Variants in DGKH observed in about 807,000 individuals in gnomAD.
The protein encoded by DGKH is diacylglycerol kinase eta.
A neutral mutation model predicts 159.3 loss-of-function variants in DGKH; 90 were observed. That is an observed-to-expected ratio of 0.57 (90% CI 0.48 to 0.67). The LOEUF (loss-of-function observed/expected upper bound fraction) is 0.67, where lower values mean the gene tolerates loss of function less well. Ranked by LOEUF, DGKH falls within the 30% of genes least tolerant of loss-of-function variation. The probability of loss-of-function intolerance (pLI) is 0.00; values close to 1 mark genes in which losing one functional copy is unlikely to be tolerated. For synonymous variants in DGKH, 536 were observed against 553.8 expected (o/e 0.97, Z 0.45); for missense variants, 1,181 against 1,506.1 (o/e 0.78, Z 3.57).
At chr13:42,157,119 G>A (rs1226886164) in intron 5 of DGKH, among the ~76,000 whole-genome samples, 1 of 152,158 alleles carries the variant, frequency 6.6e-6, no homozygotes, top group Non-Finnish European at 1.5e-5. Context: ...ATTCATGAAG[G>A]AGAAAATTTG....
intron 12 of DGKH, among the ~76,000 whole-genome samples, chr13:42,174,943 T>A (rs1860407352): frequency 1.3e-5 from 2 of 152,198 alleles, no homozygotes; most frequent in Non-Finnish European, 2.9e-5. Flanking sequence ...AAAGACCACT[T>A]AATTCCATCT....
intron 26 of DGKH, among the ~76,000 whole-genome samples, chr13:42,218,166 C>T (rs964802150): frequency 1.3e-5 from 2 of 152,184 alleles, no homozygotes; most frequent in Non-Finnish European, 2.9e-5. Context: ...CAATCGACTG[C>T]CTTCCAGTTC....
intron 28 of DGKH, among the ~76,000 whole-genome samples, chr13:42,220,308 A>T (rs1330446339): frequency 6.6e-6 from 1 of 152,134 alleles, no homozygotes; most frequent in Non-Finnish European, 1.5e-5. Flanking sequence ...CACTGTTTCA[A>T]CCCCTCGACA....
At chr13:42,122,873 G>A (rs761599516) in intron 1 of DGKH, among the ~76,000 whole-genome samples, 1 of 152,294 alleles carries the variant, frequency 6.6e-6, no homozygotes, top group South Asian at 2.1e-4. Flanking sequence ...ACAGCAAAGA[G>A]TGGTCATGTT....
upstream of DGKH, chr13:42,044,291 TTTTTC>T (rs1880682355): frequency 6.8e-6 from 1 of 147,186 alleles, no homozygotes; most frequent in Non-Finnish European, 1.5e-5. Context: ...TTCTTTCTTT[TTTTTC>T]TTTTTCTTCT....
intron 3 of DGKH, chr13:42,138,275 A>G (rs1017838259): frequency 2.0e-5 from 4 of 201,078 alleles, no homozygotes; most frequent in East Asian, 3.7e-4. Context: ...GACACTTTAC[A>G]TATGGAGGCC....
intron 1 of DGKH, among the ~76,000 whole-genome samples, chr13:42,051,782 C>T (rs571124581): frequency 4.6e-5 from 7 of 150,910 alleles, no homozygotes; most frequent in African/African-American, 1.7e-4. Flanking sequence ...GCCCCTGCCT[C>T]AGCCTCCCGA....
intron 1 of DGKH, among the ~76,000 whole-genome samples, chr13:42,062,701 C>T (rs984224850): frequency 6.6e-6 from 1 of 152,226 alleles, no homozygotes; most frequent in Non-Finnish European, 1.5e-5. Context: ...ATAATCCAGA[C>T]TTCAACTTTG....
intron 1 of DGKH, among the ~76,000 whole-genome samples, chr13:42,065,052 A>G (rs1036798361): frequency 4.6e-5 from 7 of 152,186 alleles, no homozygotes; most frequent in Admixed American, 2.6e-4. Context: ...AGCCTGGCAT[A>G]CAGTAAGTGC....
At chr13:42,184,904 A>G (rs1465564465) in intron 13 of DGKH, among the ~76,000 whole-genome samples, 2 of 151,746 alleles carry the variant, frequency 1.3e-5, no homozygotes, top group Non-Finnish European at 1.5e-5. Context: ...AAAAGTTCTA[A>G]CATTGATTAA....
rs142710485 is a variant in DGKH, at chr13:42,041,197, ACTC to A, written c.-13+1075_-13+1077del. On this transcript the variant is annotated intron_variant, in intron 1 of 29. Coordinates refer to the DGKH transcript ENST00000379274. ...CGAGGACCGTTTCCCGGCTTCACCG[ACTC>A]CTCAACTTTTCACTTGCTTTGAGAC... Among the ~76,000 whole-genome samples, 571 of 151,956 alleles carry A rather than the reference ACTC, an allele frequency of 3.8e-3. 3 individuals are homozygous for A. The highest frequency in any genetic ancestry group is 0.013 in the African/African-American group (549 of 41,424).
intron 1 of DGKH, among the ~76,000 whole-genome samples, chr13:42,077,004 G>T (rs1954112319): frequency 1.3e-5 from 2 of 152,188 alleles, no homozygotes; most frequent in South Asian, 4.1e-4. Flanking sequence ...AGCCCTCAAA[G>T]ATTTTCTTCA....
chr13:42,255,974 A>G (rs570399493), intron 30 of DGKH: 76 of 1,610,948 alleles, frequency 4.7e-5, no homozygotes, highest in Admixed American at 4.0e-4. Flanking sequence ...GGTTGAGCTC[A>G]GTGGAGCCAT....
chr13:42,252,708 T>C (rs1431905094), intron 30 of DGKH, among the ~76,000 whole-genome samples: 1 of 152,096 alleles, frequency 6.6e-6, no homozygotes, highest in Non-Finnish European at 1.5e-5. Flanking sequence ...CGCAGAGACC[T>C]ATGGCAACTG....
chr13:42,040,839 C>A (rs1008363739), intron 1 of DGKH, among the ~76,000 whole-genome samples: 2 of 146,638 alleles, frequency 1.4e-5, no homozygotes, highest in African/African-American at 4.9e-5. Flanking sequence ...CGGCGGGGAC[C>A]CGGGTCTGCG....
intron 25 of DGKH, 63 bp from the exon 26 acceptor site, chr13:42,215,512 G>GT: frequency 8.0e-7 from 1 of 1,245,448 alleles, no homozygotes; most frequent in Non-Finnish European, 1.1e-6. Context: ...AATTTAAAGT[G>GT]TTTATGGTAA....
chr13:42,102,897 A>G (rs1297452879), intron 1 of DGKH, among the ~76,000 whole-genome samples: 1 of 152,224 alleles, frequency 6.6e-6, no homozygotes, highest in African/African-American at 2.4e-5. Context: ...TGCACTCTGT[A>G]GGGTCCTACT....
chr13:42,125,391 T>G (rs1955150515), intron 1 of DGKH, among the ~76,000 whole-genome samples: 2 of 152,238 alleles, frequency 1.3e-5, no homozygotes, highest in African/African-American at 2.4e-5. Flanking sequence ...CTAAGTGCTC[T>G]ACAGGCATTA....
At chr13:42,162,882 T>C (rs1322197571) in intron 7 of DGKH, among the ~76,000 whole-genome samples, 1 of 151,998 alleles carries the variant, frequency 6.6e-6, no homozygotes, top group Non-Finnish European at 1.5e-5. Context: ...ATTATTATAC[T>C]TTTAGTTTTA....
Sources: allele counts gnomAD v4.1 joint callset (sites outside exome capture counted in the v4.1 genomes callset), GRCh38; gene constraint gnomAD v4.1.1; transcripts MANE v1.5; gene names NCBI Gene and HGNC (gene_info 2026-07-23, HGNC 2026-07-21).